The following NR2C1 variants were observed in gnomAD, a reference collection of about 807,000 sequenced individuals.
NR2C1 encodes TR2 nuclear hormone receptor.
A neutral mutation model predicts 74.8 loss-of-function variants in NR2C1; 33 were observed. The ratio of observed to expected loss-of-function variants is 0.44; its 90% CI spans 0.33 to 0.59. NR2C1 has a LOEUF of 0.59. Ranked by LOEUF, NR2C1 falls within the 20% of genes least tolerant of loss-of-function variation. NR2C1 has a pLI of 0.02. For synonymous variants in NR2C1, 225 were observed against 240.6 expected (o/e 0.94, Z 0.60); for missense variants, 568 against 715.6 (o/e 0.79, Z 2.35).
At chr12:95,059,760 A>G (rs991927432) in intron 4 of NR2C1, 146 bp downstream of exon 4, 3 of 589,448 alleles carry the variant, frequency 5.1e-6, no homozygotes, top group African/African-American at 3.8e-5. Context: ...GGCTACAAAT[A>G]TGAACCATAA....
At chr12:95,059,697 A>C (rs1232535924) in intron 4 of NR2C1, among the ~76,000 whole-genome samples, 2 of 152,166 alleles carry the variant, frequency 1.3e-5, no homozygotes, top group Non-Finnish European at 2.9e-5. Context: ...AGCAACAGTG[A>C]GACTCTATAT....
At chr12:95,041,572 G>A (rs1871533323) in intron 9 of NR2C1, among the ~76,000 whole-genome samples, 2 of 152,158 alleles carry the variant, frequency 1.3e-5, no homozygotes, top group African/African-American at 4.8e-5. Flanking sequence ...CATACTACTA[G>A]TAAGTGGTCA....
chr12:95,049,131 A>G lies in NR2C1; in HGVS notation c.1068T>C (p.Asp356=). Reference sequence around the variant, plus strand: ...CTTTTTCGGTGTAATTTATGCTTGAATCTCCAGTGATTAGGTGTACACTTC... The same window carrying G: ...CTTTTTCGGTGTAATTTATGCTTGAGTCTCCAGTGATTAGGTGTACACTTC... The part of the protein sequence containing the change: ...MEGSVHLITG[D]SSINYTEKEG... Residue 356 remains aspartate, a synonymous_variant, in exon 9 of 14, where the codon GAT becomes GAC. Transcript: ENST00000333003. The G allele has an allele frequency of 6.2e-7, 1 of 1,614,002 alleles. No individual in the cohort carries two copies. The highest frequency in any genetic ancestry group is 8.5e-7 in the Non-Finnish European group (1 of 1,179,950).
intron 2 of NR2C1, among the ~76,000 whole-genome samples, chr12:95,066,644 C>T (rs969200264): frequency 3.3e-4 from 50 of 152,116 alleles, no homozygotes; most frequent in African/African-American, 1.1e-3. Context: ...TTAAATGGAT[C>T]CTTCACTCAT....
chr12:95,028,301 A>T, intron 12 of NR2C1, 86 bp downstream of exon 12: 1 of 1,109,244 alleles, frequency 9.0e-7, no homozygotes, highest in Non-Finnish European at 1.3e-6. Flanking sequence ...GCACCATTTT[A>T]CATCCCCACT....
At chr12:95,052,654 T>A (rs991304545) in intron 7 of NR2C1, among the ~76,000 whole-genome samples, 5 of 152,040 alleles carry the variant, frequency 3.3e-5, no homozygotes, top group Non-Finnish European at 7.4e-5. Flanking sequence ...GGTCTTGCTG[T>A]GTTGCCCAGG....
At chr12:95,052,506 G>T (rs143620534) in intron 7 of NR2C1, among the ~76,000 whole-genome samples, 7 of 152,198 alleles carry the variant, frequency 4.6e-5, no homozygotes, top group African/African-American at 1.7e-4. Flanking sequence ...ACCCAGACTG[G>T]AGTACAGTGG....
At chr12:95,024,459 TATA>T (rs1869117482) in intron 13 of NR2C1, among the ~76,000 whole-genome samples, 2 of 152,332 alleles carry the variant, frequency 1.3e-5, no homozygotes, top group African/African-American at 4.8e-5. Flanking sequence ...ACCCCTCGGC[TATA>T]ATATCCCTCT....
In NR2C1 at chr12:95,031,507, A is replaced by C. The variant is rs751568226; in HGVS notation, c.1254-19T>G. On this transcript the variant is annotated intron_variant, in intron 10 of 13. Transcript: ENST00000333003. ...TTCTTGCCTATTAAAAACAGTAATA[A>C]AAGCACAAATCAGATATTATTAAAA... The C allele has an allele frequency of 6.4e-6, 10 of 1,561,766 alleles. No individual in the cohort carries two copies. The African/African-American group carries it at 1.1e-4, about 17-fold the overall frequency.
In NR2C1 at chr12:95,051,741, GA is replaced by G; in HGVS notation, c.965+20del. On this transcript the variant is annotated intron_variant, in intron 8 of 13. Coordinates refer to ENST00000333003, the MANE Select transcript of NR2C1 (RefSeq NM_003297.4). Reference sequence around the variant, plus strand: ...AAAGACATGTAAACAAAAGGACATTGATAATCAAAAGATACCTTACCTTGAA... The same window carrying G: ...AAAGACATGTAAACAAAAGGACATTGTAATCAAAAGATACCTTACCTTGAA... 6.4e-7 allele frequency: 1 copy of G among 1,572,056 alleles called. No individual in the cohort carries two copies. The highest frequency in any genetic ancestry group is 8.6e-7 in the Non-Finnish European group (1 of 1,164,594).
intron 9 of NR2C1, among the ~76,000 whole-genome samples, chr12:95,043,993 A>G (rs1253691600): frequency 6.6e-6 from 1 of 152,218 alleles, no homozygotes; most frequent in Non-Finnish European, 1.5e-5. Flanking sequence ...TTGGCTGAAG[A>G]AACAATAGTC....
rs1427818553 is a variant in NR2C1, at chr12:95,021,666, A to G, written c.*563T>C. ...CCAGCAATGAGAGTAGTATATGCTA[A>G]GGGACACCATGATATTTAGAGAAGA... On this transcript the variant is annotated 3_prime_UTR_variant, in exon 14 of 14. Transcript: ENST00000333003. The G allele has an allele frequency of 6.6e-6, 1 of 152,366 alleles. No individual in the cohort carries two copies. The highest frequency in any genetic ancestry group is 2.4e-5 in the African/African-American group (1 of 41,468). The allele number at this position is 152,366 out of a possible 1,614,324, so 9.4% of individuals were successfully genotyped here.
chr12:95,059,676 A>G (rs1874447591), intron 4 of NR2C1, among the ~76,000 whole-genome samples: 1 of 152,226 alleles, frequency 6.6e-6, no homozygotes, highest in Non-Finnish European at 1.5e-5. Flanking sequence ...ACGCCACTGC[A>G]TTCCAGCCGG....
intron 1 of NR2C1, among the ~76,000 whole-genome samples, chr12:95,071,975 C>T (rs1876706679): frequency 6.6e-6 from 1 of 151,294 alleles, no homozygotes; most frequent in African/African-American, 2.4e-5. Context: ...CTCGAACTCC[C>T]GACTTCAGAT....
chr12:95,056,974 A>AAC (rs1874000728), intron 7 of NR2C1, among the ~76,000 whole-genome samples: 6 of 150,182 alleles, frequency 4.0e-5, no homozygotes, highest in South Asian at 2.1e-4. Context: ...AAAAAAAAAA[A>AAC]AGACTTTTAC....
intron 9 of NR2C1, among the ~76,000 whole-genome samples, chr12:95,048,541 C>A (rs1225253263): frequency 2.0e-5 from 3 of 151,976 alleles, no homozygotes; most frequent in Non-Finnish European, 4.4e-5. Context: ...CATAGATGCA[C>A]ACTAACATGC....
chr12:95,054,193 T>C (rs1238437653), intron 7 of NR2C1, among the ~76,000 whole-genome samples: 1 of 152,236 alleles, frequency 6.6e-6, no homozygotes, highest in African/African-American at 2.4e-5. Context: ...ATGCATTTTA[T>C]TTAACTCCCA....
At position 95,033,796 on chromosome 12, in the gene NR2C1, G is replaced by C. The variant is rs1178487478; in HGVS notation, c.1254-2308C>G. Among the ~76,000 whole-genome samples the C allele has an allele frequency of 4.6e-5, 7 of 152,294 alleles. No homozygotes were observed. The East Asian group carries it at 1.3e-3, about 29-fold the overall frequency. Reference sequence around the variant, plus strand: ...AGACCAATGCAGTACATGGTACACAGAAAGAATTCTGCAAATGATTTCTGA... The same window carrying C: ...AGACCAATGCAGTACATGGTACACACAAAGAATTCTGCAAATGATTTCTGA... On this transcript the variant is annotated intron_variant, in intron 10 of 13. Transcript: ENST00000333003.
chr12:95,062,611 C>T lies in NR2C1; in HGVS notation c.182G>A (p.Arg61Lys). 6.2e-7 allele frequency: 1 copy of T among 1,614,128 alleles called. No individual in the cohort carries two copies. Reference protein sequence around the residue: ...GSTPSKVILARQDSTPGKVFL... With the variant: ...GSTPSKVILAKQDSTPGKVFL... ...AACTTTTCCCGGAGTGGAATCTTGC[C>T]TGGCCAGAATGACTTTGCTTGGAGT... is the stretch of plus-strand genomic sequence containing the variant. Residue 61 changes from arginine to lysine, a missense_variant, in exon 3 of 14, where the codon AGG becomes AAG. By Grantham distance (26) the Arg-to-Lys change is conservative. This residue lies in a region of NR2C1 where 128 missense variants were observed against 118.9 expected (regional missense o/e 1.08). Transcript: ENST00000333003.
Sources: gnomAD v4.1 joint callset for allele counts (sites outside exome capture counted in the v4.1 genomes callset) on GRCh38, gnomAD v4.1.1 for gene constraint, gnomAD v4.1.1 regional missense constraint, MANE v1.5 for transcripts, NCBI Gene and HGNC (gene_info 2026-07-23, HGNC 2026-07-21) for gene names.